RASGRF1: variants seen among roughly 807,000 people sequenced by gnomAD.
The protein encoded by RASGRF1 is Ras protein specific guanine nucleotide releasing factor 1, also known as ras-specific guanine nucleotide-releasing factor 1.
A neutral mutation model predicts 138.7 loss-of-function variants in RASGRF1; 40 were observed. The observed-to-expected ratio is 0.29, with a 90% CI of 0.22 to 0.38. RASGRF1 has a LOEUF of 0.38. RASGRF1 is among the 10% of genes least tolerant of loss of function. The pLI is 1.00. For synonymous variants in RASGRF1, 614 were observed against 663.2 expected (o/e 0.93, Z 1.14); for missense variants, 1,108 against 1,650.4 (o/e 0.67, Z 5.69).
At chr15:79,077,691 T>G (rs1270774111) in intron 1 of RASGRF1, among the ~76,000 whole-genome samples, 2 of 152,172 alleles carry the variant, frequency 1.3e-5, no homozygotes, top group South Asian at 2.1e-4. Flanking sequence ...GCTGTGTAAC[T>G]GGCTGCCAGT....
chr15:79,060,984 T>C (rs1259252311), intron 2 of RASGRF1, among the ~76,000 whole-genome samples: 1 of 152,064 alleles, frequency 6.6e-6, no homozygotes, highest in African/African-American at 2.4e-5. Flanking sequence ...TGAATGAGAC[T>C]TTAAAAGCGG....
chr15:79,084,631 C>A (rs2057955928), intron 1 of RASGRF1, among the ~76,000 whole-genome samples: 1 of 152,218 alleles, frequency 6.6e-6, no homozygotes. Flanking sequence ...TGGGGCTCCG[C>A]TGGTTTCTGT....
Position 78,998,782 on chromosome 15 carries a change from G to A in RASGRF1, c.2790C>T (p.Ile930=). The A allele has an allele frequency of 1.2e-6, 2 of 1,614,172 alleles. No individual in the cohort carries two copies. The highest frequency in any genetic ancestry group is 1.7e-6 in the Non-Finnish European group (2 of 1,179,994). The change falls in exon 18 of 27, where the codon ATC becomes ATT. Residue 930 remains isoleucine, a synonymous_variant. Coordinates refer to ENST00000558480, the MANE Select transcript of RASGRF1 (RefSeq NM_001145648.3). Reference sequence around the variant, plus strand: ...AGACACGATTGGTGGCTGCTCTGCGGATCACAAACTCCTTGTCTCCATTCC... The same window carrying A: ...AGACACGATTGGTGGCTGCTCTGCGAATCACAAACTCCTTGTCTCCATTCC... ...DQRNGDKEFV[I]RRAATNRVLN...
At chr15:78,968,222 T>G (rs1369521163) in intron 26 of RASGRF1, among the ~76,000 whole-genome samples, 1 of 148,750 alleles carries the variant, frequency 6.7e-6, no homozygotes, top group African/African-American at 2.5e-5. Context: ...CCTGTGTGTT[T>G]TAGTCTTTTT....
At chr15:79,040,580 GCCATT>G (rs2057284415) in intron 5 of RASGRF1, among the ~76,000 whole-genome samples, 1 of 152,090 alleles carries the variant, frequency 6.6e-6, no homozygotes, top group African/African-American at 2.4e-5. Context: ...CTTTGCACAG[GCCATT>G]CCCTTTGCTC....
intron 10 of RASGRF1, among the ~76,000 whole-genome samples, chr15:79,022,794 T>G (rs1287925252): frequency 6.6e-6 from 1 of 152,190 alleles, no homozygotes; most frequent in African/African-American, 2.4e-5. Flanking sequence ...CTGAAGCCAT[T>G]GCTGGGTATG....
Position 79,073,695 on chromosome 15 carries a change from A to C in RASGRF1, c.277-9169T>G, listed in dbSNP as rs2057791960. Among the ~76,000 whole-genome samples, 1 of 152,158 alleles carries C rather than the reference A, an allele frequency of 6.6e-6. No homozygotes were observed. Among genetic ancestry groups the C allele is most frequent in the Non-Finnish European group, 1.5e-5 (1 of 68,030 alleles). On this transcript the variant is annotated intron_variant, in intron 1 of 26. Coordinates refer to ENST00000558480, the MANE Select transcript of RASGRF1 (RefSeq NM_001145648.3). The surrounding 1 kb of genome is among the most constrained non-coding windows in gnomAD (Gnocchi z 4.2). ...AGACTGGCTGCCCTGGAACACCTGG[A>C]TTCCACCTCTTCTCAGTTACGTGTG...
rs769906528 is a variant in RASGRF1, at chr15:78,989,971, C to G, written c.3216+218G>C. The G allele has an allele frequency of 4.6e-5, 26 of 564,088 alleles. 1 individual carries two copies. Among genetic ancestry groups the G allele is most frequent in the South Asian group, 3.7e-4 (16 of 43,048 alleles). 34.9% of individuals were successfully genotyped at this position (564,088 alleles called of 1,614,324 possible). A position where few individuals can be genotyped will look rare whatever the true frequency, so the allele number is the denominator to read the frequency against. On this transcript the variant is annotated intron_variant, in intron 22 of 26. Transcript: ENST00000558480. Reference sequence around the variant, plus strand: ...TCTTTAGATGACCACGCAGTTAATCCTCCTATGACTGTTCCATGGTCAGCC... The same window carrying G: ...TCTTTAGATGACCACGCAGTTAATCGTCCTATGACTGTTCCATGGTCAGCC...
At chr15:78,998,866 G>T (rs2056452790) in intron 17 of RASGRF1, 41 bp from the exon 18 acceptor site, 2 of 1,509,678 alleles carry the variant, frequency 1.3e-6, no homozygotes, top group South Asian at 1.1e-5. Flanking sequence ...GACAGGTGAG[G>T]ACAAGAAACA....
In RASGRF1 at chr15:79,006,250, C is replaced by A. The variant is rs779403459; in HGVS notation, c.2011G>T (p.Ala671Ser). The A allele has an allele frequency of 1.9e-6, 3 of 1,614,134 alleles. No individual in the cohort carries two copies. Among genetic ancestry groups the A allele is most frequent in the Non-Finnish European group, 1.7e-6 (2 of 1,180,022 alleles). The change falls in exon 14 of 27, where the codon GCC (alanine) becomes TCC (serine). Residue 671 changes from alanine to serine, a missense_variant. Ala to Ser is a moderately conservative substitution (Grantham distance 99). Around this residue, in one of 3 missense-constraint regions of RASGRF1, gnomAD observed 686 missense variants for 976.7 expected, o/e 0.70. Coordinates refer to ENST00000558480, the MANE Select transcript of RASGRF1 (RefSeq NM_001145648.3). The surrounding 1 kb of genome is among the most constrained non-coding windows in gnomAD (Gnocchi z 4.0). ...ATGAGCTTGTCCAGGACCACGATGGCGGTGGTGAAGACGCGGTAGGAGTGC... is the reference window on the plus strand; with the variant it reads ...ATGAGCTTGTCCAGGACCACGATGGAGGTGGTGAAGACGCGGTAGGAGTGC... ...FLHSYRVFTT[A>S]IVVLDKLITI...
intron 22 of RASGRF1, chr15:78,985,831 A>G (rs2056141977): frequency 6.7e-6 from 1 of 149,754 alleles, no homozygotes; most frequent in Non-Finnish European, 1.5e-5. Context: ...AAACTGAGGC[A>G]GGAAAATCAC....
intron 5 of RASGRF1, among the ~76,000 whole-genome samples, chr15:79,042,416 A>T (rs1407869543): frequency 6.6e-6 from 1 of 152,252 alleles, no homozygotes; most frequent in Non-Finnish European, 1.5e-5. Context: ...CAGGGAGAGC[A>T]GTGAGGTTCA....
At chr15:78,969,352 T>G (rs1450168155) in intron 26 of RASGRF1, among the ~76,000 whole-genome samples, 3 of 152,212 alleles carry the variant, frequency 2.0e-5, no homozygotes, top group Non-Finnish European at 4.4e-5. Flanking sequence ...TAGGTGATGT[T>G]GTGGCTCATG....
intron 5 of RASGRF1, among the ~76,000 whole-genome samples, chr15:79,043,439 G>C (rs941872615): frequency 1.3e-5 from 2 of 152,096 alleles, no homozygotes; most frequent in African/African-American, 4.8e-5. Flanking sequence ...GGCTACGCTG[G>C]GCTCTGTGCT....
intron 1 of RASGRF1, among the ~76,000 whole-genome samples, chr15:79,065,741 A>G (rs2057671525): frequency 6.6e-6 from 1 of 152,104 alleles, no homozygotes; most frequent in Non-Finnish European, 1.5e-5. Context: ...CGGGCCAGCC[A>G]TGGTGTGACA....
chr15:79,069,733 TTCCTATTGCTTCTTCTTGGG>T (rs1261580240), intron 1 of RASGRF1, among the ~76,000 whole-genome samples: 1 of 152,196 alleles, frequency 6.6e-6, no homozygotes, highest in Non-Finnish European at 1.5e-5. Context: ...AAGAAGGGAC[TTCCTATTGCTTCTTCTTGGG>T]TCCTTGAGGT....
intron 26 of RASGRF1, among the ~76,000 whole-genome samples, chr15:78,964,168 A>G (rs1421250861): frequency 6.6e-6 from 1 of 150,760 alleles, no homozygotes; most frequent in Non-Finnish European, 1.5e-5. Context: ...GAGCAGTAAT[A>G]TTTATTTATT....
intron 20 of RASGRF1, among the ~76,000 whole-genome samples, chr15:78,995,318 C>T (rs532681343): frequency 1.4e-5 from 2 of 145,238 alleles, no homozygotes; most frequent in South Asian, 2.2e-4. Flanking sequence ...GATGGAGTCT[C>T]GCTCTGTTAC....
In RASGRF1 at chr15:79,006,449, A is replaced by G. The variant is rs773953963; in HGVS notation, c.1827-15T>C. On this transcript the variant is annotated splice_polypyrimidine_tract_variant and intron_variant, in intron 13 of 26. Coordinates refer to ENST00000558480, the MANE Select transcript of RASGRF1 (RefSeq NM_001145648.3). This position sits in a 1 kb window ranked among gnomAD's most constrained non-coding sequence, Gnocchi z 4.0. ...AGGCGTCGGACCTGAGAGGGGAGGA[A>G]GGATGCAGAGGTGATGTGGGTCTAA... is the stretch of plus-strand genomic sequence containing the variant. The G allele has an allele frequency of 6.2e-7, 1 of 1,604,958 alleles. No individual in the cohort carries two copies. Among genetic ancestry groups the G allele is most frequent in the Non-Finnish European group, 8.5e-7 (1 of 1,177,038 alleles).
Sources: gnomAD v4.1 joint callset for allele counts (sites outside exome capture counted in the v4.1 genomes callset) on GRCh38, gnomAD v4.1.1 for gene constraint, gnomAD v4.1.1 regional missense constraint, Gnocchi (gnomAD v3.1) non-coding constraint, MANE v1.5 for transcripts, NCBI Gene and HGNC (gene_info 2026-07-23, HGNC 2026-07-21) for gene names.